The following UBE3D variants were observed in gnomAD, a reference collection of about 807,000 sequenced individuals.
UBE3D encodes the protein ubiquitin protein ligase E3D, also known as E3 ubiquitin-protein ligase E3D.
Under a neutral mutation model 49.6 loss-of-function variants are expected in UBE3D, and 48 were observed. The observed-to-expected ratio is 0.97, with a 90% confidence interval of 0.77 to 1.23. UBE3D has a LOEUF of 1.23. UBE3D is among the 50% of genes most tolerant of loss of function. The pLI is 0.00. For synonymous variants in UBE3D, 189 were observed against 174.2 expected (o/e 1.08, Z -0.67); for missense variants, 452 against 468.4 (o/e 0.96, Z 0.32).
At chr6:83,020,591 T>C (rs1781024748) in intron 7 of UBE3D, among the ~76,000 whole-genome samples, 4 of 152,152 alleles carry the variant, frequency 2.6e-5, no homozygotes, top group Admixed American at 2.6e-4. Context: ...TTTCAGAAGT[T>C]CCTACTCCCG....
At chr6:82,969,962 T>C (rs569499197) in intron 8 of UBE3D, among the ~76,000 whole-genome samples, 1 of 151,328 alleles carries the variant, frequency 6.6e-6, no homozygotes, top group South Asian at 2.1e-4. Flanking sequence ...AATATAGAAG[T>C]AGACAAATAG....
intron 8 of UBE3D, among the ~76,000 whole-genome samples, chr6:82,967,282 A>G (rs890688074): frequency 1.3e-5 from 2 of 152,108 alleles, no homozygotes; most frequent in Admixed American, 6.6e-5. Flanking sequence ...TAATTCACCA[A>G]CCTTTTTTAA....
At chr6:82,955,170 T>A (rs1441682549) in intron 9 of UBE3D, among the ~76,000 whole-genome samples, 6 of 152,280 alleles carry the variant, frequency 3.9e-5, no homozygotes, top group African/African-American at 1.2e-4. Flanking sequence ...ATGACATCCT[T>A]AAAGGGGGCA....
chr6:82,892,875 G>C lies in UBE3D; in HGVS notation c.*147C>G. On this transcript the variant is annotated 3_prime_UTR_variant, in exon 10 of 10. Coordinates refer to ENST00000369747, the MANE Select transcript of UBE3D (RefSeq NM_198920.3). The stretch of plus-strand genomic sequence containing the variant: ...TCTCTTAGAGAATACATGCAAACAA[G>C]TAAACTTAAAACTTCAATGCAATGC... The C allele has an allele frequency of 1.1e-6, 1 of 947,378 alleles. No individual in the cohort carries two copies. Among genetic ancestry groups the C allele is most frequent in the Non-Finnish European group, 1.7e-6 (1 of 594,216 alleles). 58.7% of individuals were successfully genotyped at this position (947,378 alleles called of 1,614,324 possible). A position where few individuals can be genotyped will look rare whatever the true frequency, so the allele number is the denominator to read the frequency against.
At chr6:82,981,924 A>C (rs1334965894) in intron 8 of UBE3D, among the ~76,000 whole-genome samples, 1 of 152,174 alleles carries the variant, frequency 6.6e-6, no homozygotes, top group Non-Finnish European at 1.5e-5. Context: ...CTGCAGCTGC[A>C]GGAATGTCAT....
chr6:82,983,280 G>A (rs1261459883), intron 8 of UBE3D, among the ~76,000 whole-genome samples: 4 of 151,654 alleles, frequency 2.6e-5, no homozygotes, highest in Non-Finnish European at 5.9e-5. Context: ...GGCCAGTGAA[G>A]CCTATTCAAG....
intron 2 of UBE3D, 126 bp from the exon 3 acceptor site, chr6:83,054,364 AT>A: frequency 1.5e-6 from 1 of 668,106 alleles, no homozygotes; most frequent in East Asian, 2.8e-5. Context: ...AGAAGTACAC[AT>A]TTAATTAATA....
intron 9 of UBE3D, among the ~76,000 whole-genome samples, chr6:82,941,790 TTCTC>T (rs1489008754): frequency 6.6e-6 from 1 of 152,310 alleles, no homozygotes; most frequent in Middle Eastern, 3.4e-3. Flanking sequence ...TTGGCACTCA[TTCTC>T]TCTCCTCCTG....
chr6:82,954,924 T>A (rs1419555346), intron 9 of UBE3D, among the ~76,000 whole-genome samples: 1 of 152,182 alleles, frequency 6.6e-6, no homozygotes, highest in African/African-American at 2.4e-5. Context: ...AACCAGTTCA[T>A]AAGATTCTGT....
intron 9 of UBE3D, among the ~76,000 whole-genome samples, chr6:82,893,553 C>G (rs1253941026): frequency 3.3e-5 from 5 of 152,164 alleles, no homozygotes; most frequent in Non-Finnish European, 1.5e-5. Context: ...TATTTTCAGA[C>G]TATGTAATGA....
At chr6:83,013,794 T>A (rs749750437) in intron 8 of UBE3D, among the ~76,000 whole-genome samples, 2 of 140,232 alleles carry the variant, frequency 1.4e-5, no homozygotes, top group Non-Finnish European at 3.1e-5. Context: ...CAGGCAAATC[T>A]CTCACCAATA....
intron 7 of UBE3D, among the ~76,000 whole-genome samples, chr6:83,021,694 G>A (rs565492043): frequency 7.9e-5 from 12 of 151,376 alleles, no homozygotes; most frequent in African/African-American, 2.7e-4. Flanking sequence ...GTGAAACCCC[G>A]TCTCTACTAA....
intron 8 of UBE3D, among the ~76,000 whole-genome samples, chr6:82,969,136 T>C (rs1777158467): frequency 7.0e-6 from 1 of 143,726 alleles, no homozygotes; most frequent in African/African-American, 2.6e-5. Flanking sequence ...TTAGAAAGCC[T>C]GAGAGACTGT....
At chr6:83,029,742 T>C (rs1781734598) in intron 5 of UBE3D, among the ~76,000 whole-genome samples, 1 of 152,344 alleles carries the variant, frequency 6.6e-6, no homozygotes, top group South Asian at 2.1e-4. Context: ...TTGGTTGGGA[T>C]AGCAGTCAAT....
intron 9 of UBE3D, chr6:82,925,244 C>A (rs1773660225): frequency 6.6e-6 from 1 of 152,136 alleles, no homozygotes; most frequent in South Asian, 2.1e-4. Flanking sequence ...ACCAAAGTCA[C>A]CTTCCTTTTA....
At chr6:82,905,702 C>T (rs1381457087) in intron 9 of UBE3D, among the ~76,000 whole-genome samples, 2 of 152,136 alleles carry the variant, frequency 1.3e-5, no homozygotes, top group East Asian at 1.9e-4. Flanking sequence ...ACAAGGCCCG[C>T]AAGACACAGC....
At chr6:82,962,861 A>G (rs1421038021) in intron 8 of UBE3D, among the ~76,000 whole-genome samples, 1 of 152,206 alleles carries the variant, frequency 6.6e-6, no homozygotes, top group East Asian at 1.9e-4. Flanking sequence ...TAAATTCTAG[A>G]TATCTCAAAA....
chr6:82,970,695 C>T (rs1006079418), intron 8 of UBE3D, among the ~76,000 whole-genome samples: 7 of 151,838 alleles, frequency 4.6e-5, no homozygotes, highest in Admixed American at 1.3e-4. Context: ...AAAAATTAGC[C>T]GGGCGTGGTG....
intron 9 of UBE3D, among the ~76,000 whole-genome samples, chr6:82,935,574 C>T (rs1774504891): frequency 6.6e-6 from 1 of 152,024 alleles, no homozygotes; most frequent in Admixed American, 6.6e-5. Flanking sequence ...ATTCTGAGTA[C>T]TACGTAGAAT....
Sources: gnomAD v4.1 joint callset for allele counts (sites outside exome capture counted in the v4.1 genomes callset) on GRCh38, gnomAD v4.1.1 for gene constraint, MANE v1.5 for transcripts, NCBI Gene and HGNC (gene_info 2026-07-23, HGNC 2026-07-21) for gene names.